Variants in HPSE2 observed in about 807,000 individuals in gnomAD.
The protein encoded by HPSE2 is heparanase 2 (inactive).
Under a neutral mutation model 60.5 loss-of-function variants are expected in HPSE2, and 38 were observed. The ratio of observed to expected loss-of-function variants is 0.63; its 90% CI spans 0.48 to 0.82. HPSE2 has a LOEUF of 0.82. Ranked by LOEUF, HPSE2 falls within the 40% of genes least tolerant of loss-of-function variation. The pLI, the probability that HPSE2 is intolerant of heterozygous loss-of-function variation, is 0.00. For synonymous variants in HPSE2, 295 were observed against 293.2 expected, an observed-to-expected ratio of 1.01 and a Z score of -0.06; for missense variants, 713 against 740.4, an observed-to-expected ratio of 0.96 and a Z score of 0.43.
chr10:98,744,060 G>A lies in HPSE2; in HGVS notation c.611-4C>T. 1.9e-6 allele frequency: 3 copies of A among 1,613,484 alleles called. No homozygotes were observed. The highest frequency in any genetic ancestry group is 1.1e-5 in the South Asian group (1 of 91,032). On this transcript the variant is annotated splice_polypyrimidine_tract_variant and splice_region_variant and intron_variant, in intron 3 of 11. Coordinates refer to ENST00000370552, the MANE Select transcript of HPSE2 (RefSeq NM_021828.5). Reference sequence around the variant, plus strand: ...TAAAGTTTGTCTAGAGACCTGGCTGGGAAGAAGCAGAGAAAGGCTTGTAAC... The same window carrying A: ...TAAAGTTTGTCTAGAGACCTGGCTGAGAAGAAGCAGAGAAAGGCTTGTAAC...
intron 3 of HPSE2, among the ~76,000 whole-genome samples, chr10:98,992,947 A>G (rs1468012494): frequency 2.6e-5 from 4 of 152,204 alleles, no homozygotes; most frequent in African/African-American, 9.6e-5. Context: ...TAGTTATGGG[A>G]ATTTCTACAG....
At chr10:98,779,307 T>G (rs1184221515) in intron 3 of HPSE2, among the ~76,000 whole-genome samples, 3 of 152,166 alleles carry the variant, frequency 2.0e-5, no homozygotes, top group Non-Finnish European at 1.5e-5. Flanking sequence ...CAACTCTCTT[T>G]TCTTTCAAAA....
At chr10:99,208,449 C>T (rs1484788294) in intron 2 of HPSE2, among the ~76,000 whole-genome samples, 1 of 152,050 alleles carries the variant, frequency 6.6e-6, no homozygotes, top group South Asian at 2.1e-4. Context: ...CTTTGGGAGG[C>T]CAAAGCAGGC....
At chr10:98,724,425 A>G (rs1320901654) in intron 4 of HPSE2, among the ~76,000 whole-genome samples, 2 of 152,128 alleles carry the variant, frequency 1.3e-5, no homozygotes, top group African/African-American at 2.4e-5. Context: ...GTGGTGCTGA[A>G]AAGAATGTAT....
chr10:98,655,890 G>T (rs1947047912), intron 6 of HPSE2, among the ~76,000 whole-genome samples: 1 of 152,062 alleles, frequency 6.6e-6, no homozygotes, highest in South Asian at 2.1e-4. Context: ...AAGACTCAAG[G>T]TCTCCTCTTT....
At chr10:98,831,459 A>T (rs1254320723) in intron 3 of HPSE2, among the ~76,000 whole-genome samples, 3 of 152,154 alleles carry the variant, frequency 2.0e-5, no homozygotes. Flanking sequence ...CATCCTATAA[A>T]CTAGCACAAC....
rs531485433 is a variant in HPSE2, at chr10:98,938,952, T to C, written c.611-194896A>G. 3.1e-4 allele frequency among the ~76,000 whole-genome samples: 45 copies of C among 144,160 alleles called. 2 individuals are homozygous for C. In the South Asian group the frequency reaches 9.3e-3, roughly 30 times the overall value. The allele number at this position is 144,160 out of a possible 152,430, so 94.6% of individuals were successfully genotyped here. ...TATTCAACATTCTTAAAGAAAAGAATTTTCAACCAAGAATTTCATATCCAG... is the reference window on the plus strand; with the variant it reads ...TATTCAACATTCTTAAAGAAAAGAACTTTCAACCAAGAATTTCATATCCAG... On this transcript the variant is annotated intron_variant, in intron 3 of 11. Transcript: ENST00000370552.
At position 98,457,405 on chromosome 10, in the gene HPSE2, T is replaced by C. The variant is rs1940094939; in HGVS notation, c.*2169A>G. 1.3e-5 allele frequency: 2 copies of C among 152,140 alleles called. No individual in the cohort carries two copies. Among genetic ancestry groups the C allele is most frequent in the African/African-American group, 4.8e-5 (2 of 41,424 alleles). The allele number at this position is 152,140 out of a possible 1,614,324, so 9.4% of individuals were successfully genotyped here. A position where few individuals can be genotyped will look rare whatever the true frequency, so the allele number is the denominator to read the frequency against. On this transcript the variant is annotated 3_prime_UTR_variant, in exon 12 of 12. Coordinates refer to ENST00000370552, the MANE Select transcript of HPSE2 (RefSeq NM_021828.5). Reference sequence around the variant, plus strand: ...CGGGTGCCCCTGGGCGAGCCATGGATCCTCTCCATGCCTCGTAGGAAAAAT... The same window carrying C: ...CGGGTGCCCCTGGGCGAGCCATGGACCCTCTCCATGCCTCGTAGGAAAAAT...
chr10:99,102,221 T>A (rs1001518745), intron 3 of HPSE2, among the ~76,000 whole-genome samples: 2 of 151,708 alleles, frequency 1.3e-5, no homozygotes, highest in African/African-American at 4.8e-5. Context: ...TCAACAAAAT[T>A]GATAGACCAC....
chr10:98,812,123 CTATT>C (rs1171346787), intron 3 of HPSE2, among the ~76,000 whole-genome samples: 2 of 152,066 alleles, frequency 1.3e-5, no homozygotes, highest in African/African-American at 2.4e-5. Context: ...TAACATAAAT[CTATT>C]TAGCACTAGC....
intron 3 of HPSE2, among the ~76,000 whole-genome samples, chr10:99,060,179 G>A (rs1404552045): frequency 1.3e-5 from 2 of 151,888 alleles, no homozygotes; most frequent in Non-Finnish European, 2.9e-5. Context: ...GATAATATGG[G>A]CATAAAAGAA....
intron 4 of HPSE2, among the ~76,000 whole-genome samples, chr10:98,732,678 T>G (rs771964802): frequency 6.6e-6 from 1 of 152,066 alleles, no homozygotes; most frequent in South Asian, 2.1e-4. Context: ...CAATGAAACT[T>G]TTAGAAGAAA....
chr10:98,723,610 G>A (rs1948986506), intron 4 of HPSE2, among the ~76,000 whole-genome samples: 2 of 152,230 alleles, frequency 1.3e-5, no homozygotes, highest in South Asian at 4.2e-4. Context: ...TTTTCTGATT[G>A]CTAAGCTCTT....
chr10:98,679,352 C>T (rs1419937020), intron 6 of HPSE2, among the ~76,000 whole-genome samples: 1 of 152,154 alleles, frequency 6.6e-6, no homozygotes, highest in Non-Finnish European at 1.5e-5. Context: ...ACATTATTTG[C>T]CTTTTTCATT....
At chr10:98,747,041 GT>G (rs1278048315) in intron 3 of HPSE2, among the ~76,000 whole-genome samples, 1 of 151,754 alleles carries the variant, frequency 6.6e-6, no homozygotes, top group East Asian at 1.9e-4. Context: ...TTATCCAGAA[GT>G]TTCCTTGAGA....
rs551604962 is a variant in HPSE2 at position 98,839,711 on chromosome 10, C to T, written c.611-95655G>A. 2.0e-5 allele frequency among the ~76,000 whole-genome samples: 3 copies of T among 152,254 alleles called. No individual in the cohort carries two copies. The South Asian group carries it at 6.2e-4, about 32-fold the overall frequency. On this transcript the variant is annotated intron_variant, in intron 3 of 11. Transcript: ENST00000370552. ...TCCCTATGTTATCCGTGCTATTGAC[C>T]TCCTGAGTTCTCAGATGACCTCTAT... is the stretch of plus-strand genomic sequence containing the variant.
chr10:98,964,766 C>T (rs1276877760), intron 3 of HPSE2, among the ~76,000 whole-genome samples: 4 of 152,156 alleles, frequency 2.6e-5, no homozygotes, highest in African/African-American at 9.6e-5. Flanking sequence ...CTAGTCATAT[C>T]TTCTTAACAT....
the HPSE2 span, among the ~76,000 whole-genome samples, chr10:99,313,518 T>C: frequency 4.0e-5 from 6 of 149,016 alleles, no homozygotes; most frequent in East Asian, 1.2e-3. Context: ...ATTATTGAAA[T>C]GAAAACAACA....
chr10:98,886,259 A>G (rs184694457), intron 3 of HPSE2, among the ~76,000 whole-genome samples: 8 of 152,244 alleles, frequency 5.3e-5, no homozygotes, highest in Non-Finnish European at 5.9e-5. Flanking sequence ...GTAAATATTC[A>G]TATATTGTAG....
Sources: gnomAD v4.1 joint callset for allele counts (sites outside exome capture counted in the v4.1 genomes callset) on GRCh38, gnomAD v4.1.1 for gene constraint, MANE v1.5 for transcripts, NCBI Gene and HGNC (gene_info 2026-07-23, HGNC 2026-07-21) for gene names.